IGF2BP2: variants seen among roughly 807,000 people sequenced by gnomAD.
IGF2BP2 encodes the protein insulin-like growth factor 2 mRNA-binding protein 2.
A neutral mutation model predicts 75.8 loss-of-function variants in IGF2BP2; 17 were observed. The observed-to-expected ratio is 0.22, with a 90% CI of 0.15 to 0.34. The LOEUF (loss-of-function observed/expected upper bound fraction) is 0.34. IGF2BP2 is among the 10% of genes least tolerant of loss of function. The probability of loss-of-function intolerance (pLI) is 1.00; values close to 1 mark genes in which losing one functional copy is unlikely to be tolerated. For synonymous variants in IGF2BP2, 288 were observed against 295.6 expected, an observed-to-expected ratio of 0.97 and a Z score of 0.26; for missense variants, 516 against 772.4, an observed-to-expected ratio of 0.67 and a Z score of 3.93.
At chr3:185,673,286 C>G (rs180876097) in intron 9 of IGF2BP2, among the ~76,000 whole-genome samples, 17 of 152,312 alleles carry the variant, frequency 1.1e-4, no homozygotes, top group Admixed American at 4.6e-4. Context: ...GTGTCGTGTT[C>G]TCAGTGCCTG....
At chr3:185,687,265 C>G in intron 6 of IGF2BP2, 74 bp from the exon 7 acceptor site, 1 of 1,460,652 alleles carries the variant, frequency 6.8e-7, no homozygotes, top group South Asian at 1.4e-5. Flanking sequence ...AAGCGTCACA[C>G]CAACCCATGT....
At chr3:185,677,095 AG>A (rs1719666443) in intron 7 of IGF2BP2, among the ~76,000 whole-genome samples, 1 of 137,156 alleles carries the variant, frequency 7.3e-6, no homozygotes, top group Non-Finnish European at 1.6e-5. Flanking sequence ...AGAGAGAGAG[AG>A]AGAGAGAGAG....
At chr3:185,714,252 A>G (rs890919623) in intron 2 of IGF2BP2, among the ~76,000 whole-genome samples, 1 of 151,786 alleles carries the variant, frequency 6.6e-6, no homozygotes, top group African/African-American at 2.4e-5. Context: ...TGACAGCTGT[A>G]TAATATTCAG....
intron 2 of IGF2BP2, among the ~76,000 whole-genome samples, chr3:185,800,724 A>G (rs1738119259): frequency 6.6e-6 from 1 of 151,484 alleles, no homozygotes; most frequent in African/African-American, 2.4e-5. Flanking sequence ...AAAAAAAAGA[A>G]AGAAAGAAAG....
chr3:185,669,684 G>A (rs1252394821), intron 10 of IGF2BP2, among the ~76,000 whole-genome samples: 3 of 152,030 alleles, frequency 2.0e-5, no homozygotes, highest in Non-Finnish European at 4.4e-5. Context: ...CAGACTCCCT[G>A]ACCTTTGGAT....
chr3:185,773,610 G>C (rs759341112), intron 2 of IGF2BP2, among the ~76,000 whole-genome samples: 1 of 152,136 alleles, frequency 6.6e-6, no homozygotes. Context: ...AAGTTAGGAA[G>C]GCCAAGGAGG....
intron 2 of IGF2BP2, among the ~76,000 whole-genome samples, chr3:185,730,920 G>A (rs1728078943): frequency 6.6e-6 from 1 of 151,978 alleles, no homozygotes; most frequent in Non-Finnish European, 1.5e-5. Flanking sequence ...TAGCCATTCT[G>A]ACTGGTATAA....
intron 2 of IGF2BP2, among the ~76,000 whole-genome samples, chr3:185,734,966 A>AAGAC (rs1377068188): frequency 6.6e-6 from 1 of 152,186 alleles, no homozygotes; most frequent in Non-Finnish European, 1.5e-5. Flanking sequence ...TGTAATAGCG[A>AAGAC]AGACAGCGTT....
At chr3:185,704,845 G>T (rs1723791449) in intron 2 of IGF2BP2, among the ~76,000 whole-genome samples, 1 of 152,124 alleles carries the variant, frequency 6.6e-6, no homozygotes, top group African/African-American at 2.4e-5. Flanking sequence ...AAATTGTTTA[G>T]TCACTTTCTT....
intron 2 of IGF2BP2, among the ~76,000 whole-genome samples, chr3:185,712,978 A>G (rs1007352558): frequency 6.6e-6 from 1 of 152,342 alleles, no homozygotes; most frequent in South Asian, 2.1e-4. Flanking sequence ...CTCTTGTACA[A>G]TATCTGGTGT....
intron 2 of IGF2BP2, among the ~76,000 whole-genome samples, chr3:185,741,607 A>T (rs1278824251): frequency 6.6e-6 from 1 of 152,230 alleles, no homozygotes; most frequent in East Asian, 1.9e-4. Flanking sequence ...ATGGGATTAC[A>T]GATAAGGAGA....
intron 3 of IGF2BP2, among the ~76,000 whole-genome samples, chr3:185,697,477 T>G (rs1410513061): frequency 6.6e-6 from 1 of 152,122 alleles, no homozygotes; most frequent in East Asian, 1.9e-4. Flanking sequence ...TAAGGCACGG[T>G]GTTTTCTTTG....
At chr3:185,681,813 G>C (rs936586674) in intron 7 of IGF2BP2, among the ~76,000 whole-genome samples, 6 of 152,122 alleles carry the variant, frequency 3.9e-5, no homozygotes, top group African/African-American at 7.2e-5. Flanking sequence ...CACTAGATGG[G>C]GAAAGAGCAG....
At chr3:185,693,866 G>T (rs1002507483) in intron 4 of IGF2BP2, among the ~76,000 whole-genome samples, 1 of 152,068 alleles carries the variant, frequency 6.6e-6, no homozygotes, top group Admixed American at 6.5e-5. Flanking sequence ...TATAATATAC[G>T]ATTCTTTACA....
At chr3:185,657,016 A>G (rs2149093018) in intron 12 of IGF2BP2, among the ~76,000 whole-genome samples, 2 of 152,278 alleles carry the variant, frequency 1.3e-5, no homozygotes, top group Non-Finnish European at 2.9e-5. Flanking sequence ...ACCTTTCTTT[A>G]TCTTCTTGAG....
At chr3:185,811,828 G>GTCTCTCTCTCTCTCTCTC (rs1458609762) in intron 2 of IGF2BP2, among the ~76,000 whole-genome samples, 1 of 120,170 alleles carries the variant, frequency 8.3e-6, no homozygotes, top group African/African-American at 2.8e-5. Flanking sequence ...TCAGAGTAGG[G>GTCTCTCTCTCTCTCTCTC]TGTCTCTCTC....
intron 2 of IGF2BP2, among the ~76,000 whole-genome samples, chr3:185,701,130 ATATAT>A (rs959754451): frequency 3.3e-5 from 5 of 152,066 alleles, no homozygotes; most frequent in Admixed American, 1.3e-4. Context: ...TGGGGTCTTG[ATATAT>A]TGCCTGCTGG....
At chr3:185,749,379 T>G (rs180695134) in intron 2 of IGF2BP2, among the ~76,000 whole-genome samples, 38 of 152,340 alleles carry the variant, frequency 2.5e-4, no homozygotes, top group Non-Finnish European at 3.8e-4. Flanking sequence ...TCAACTCACT[T>G]AGAGGAATTA....
intron 2 of IGF2BP2, among the ~76,000 whole-genome samples, chr3:185,807,225 G>C (rs1016893702): frequency 8.5e-5 from 13 of 152,116 alleles, no homozygotes; most frequent in African/African-American, 2.9e-4. Context: ...TTTATAAAAG[G>C]TGAAGTAATT....
Sources: allele counts gnomAD v4.1 joint callset (sites outside exome capture counted in the v4.1 genomes callset), GRCh38; gene constraint gnomAD v4.1.1; transcripts MANE v1.5; gene names NCBI Gene and HGNC (gene_info 2026-07-23, HGNC 2026-07-21).